The following SEPTIN9 variants were observed in gnomAD, a reference collection of about 807,000 sequenced individuals.
SEPTIN9 encodes septin 9, also known as septin-9.
A neutral mutation model predicts 56.6 loss-of-function variants in SEPTIN9; 13 were observed. That is an observed-to-expected ratio of 0.23 (90% CI 0.15 to 0.37). The LOEUF is 0.37. Among genes scored for constraint, SEPTIN9 ranks in the 10% least tolerant of loss-of-function variants. The pLI, the probability that SEPTIN9 is intolerant of heterozygous loss-of-function variation, is 1.00. For missense variants in SEPTIN9, 650 were observed against 823.1 expected, an observed-to-expected ratio of 0.79 and a Z score of 2.57; for synonymous variants, 332 against 334.1, an observed-to-expected ratio of 0.99 and a Z score of 0.07.
At chr17:77,481,627 C>A (rs188968853) in intron 3 of SEPTIN9, among the ~76,000 whole-genome samples, 1 of 150,750 alleles carries the variant, frequency 6.6e-6, no homozygotes, top group South Asian at 2.1e-4. Context: ...AAGACCATCC[C>A]TCCTGTGTCT....
At position 77,313,259 on chromosome 17, in the gene SEPTIN9, G is replaced by T. The variant is rs1241098565; in HGVS notation, c.76+6062G>T. Among the ~76,000 whole-genome samples, 1 of 152,232 alleles carries T rather than the reference G, an allele frequency of 6.6e-6. No homozygotes were observed. Among genetic ancestry groups the T allele is most frequent in the Non-Finnish European group, 1.5e-5 (1 of 68,042 alleles). The stretch of plus-strand genomic sequence containing the variant: ...GAGCGCCAGCTCCAGCTCCTGTCAG[G>T]CTACAGCCCAGATGGTTGGCTGAGC... On this transcript the variant is annotated intron_variant, in intron 2 of 11. Transcript: ENST00000427177. This position sits in a 1 kb window ranked among gnomAD's most constrained non-coding sequence, Gnocchi z 4.5.
At chr17:77,298,481 C>G (rs560322668) in intron 1 of SEPTIN9, among the ~76,000 whole-genome samples, 1 of 152,332 alleles carries the variant, frequency 6.6e-6, no homozygotes, top group East Asian at 1.9e-4. Flanking sequence ...GGGAGCCTTC[C>G]CCACCGCAGC....
intron 1 of SEPTIN9, among the ~76,000 whole-genome samples, chr17:77,295,939 G>A (rs1009550136): frequency 3.3e-5 from 5 of 152,148 alleles, no homozygotes; most frequent in African/African-American, 9.7e-5. Flanking sequence ...GAATTCCTGC[G>A]TTGAAGCCCT....
intron 2 of SEPTIN9, among the ~76,000 whole-genome samples, chr17:77,394,155 A>C (rs12600356): frequency 1.3e-5 from 2 of 152,026 alleles, no homozygotes; most frequent in African/African-American, 2.4e-5. Flanking sequence ...ACTGGACCCC[A>C]CTCTGCCAGC....
At chr17:77,311,442 G>A (rs546784123) in intron 2 of SEPTIN9, among the ~76,000 whole-genome samples, 1 of 152,160 alleles carries the variant, frequency 6.6e-6, no homozygotes, top group Non-Finnish European at 1.5e-5. Flanking sequence ...AGCACTGCAG[G>A]TGTCTCTGCC....
chr17:77,342,012 G>A (rs1348706953), intron 2 of SEPTIN9, among the ~76,000 whole-genome samples: 1 of 151,104 alleles, frequency 6.6e-6, no homozygotes, highest in Non-Finnish European at 1.5e-5. Flanking sequence ...GAACCCGGGA[G>A]GCGGAGCTTG....
rs971620537 is a variant in SEPTIN9 at position 77,320,176 on chromosome 17, T to C, written c.76+12979T>C. ...CGGATGCATTCGTGATTGCAACAGATTGAAGAAATTAGACCAGACAAAGAG... is the reference window on the plus strand; with the variant it reads ...CGGATGCATTCGTGATTGCAACAGACTGAAGAAATTAGACCAGACAAAGAG... On this transcript the variant is annotated intron_variant, in intron 2 of 11. Transcript: ENST00000427177. 6 of 1,559,798 alleles carry C rather than the reference T, an allele frequency of 3.8e-6. No homozygotes were observed. In the East Asian group the frequency reaches 7.0e-5, roughly 18 times the overall value.
intron 1 of SEPTIN9, among the ~76,000 whole-genome samples, chr17:77,298,083 T>G (rs2031894012): frequency 6.6e-6 from 1 of 152,206 alleles, no homozygotes; most frequent in South Asian, 2.1e-4. Context: ...GGACCCTCCC[T>G]CCAAAGCTCA....
intron 2 of SEPTIN9, among the ~76,000 whole-genome samples, chr17:77,344,878 A>G (rs1295679837): frequency 6.7e-6 from 1 of 148,384 alleles, no homozygotes; most frequent in East Asian, 2.0e-4. Context: ...AGGCTGAGGC[A>G]GGAGAATCGC....
In SEPTIN9 at chr17:77,475,864, C is replaced by T. The variant is rs1250112637; in HGVS notation, c.722-6280C>T. ...CCTCCGTGGGCAGGAGGAGGATGAC[C>T]TTGCATTCTGCTTGGCCACCATTGG... On this transcript the variant is annotated intron_variant, in intron 3 of 11. Coordinates refer to ENST00000427177, the MANE Select transcript of SEPTIN9 (RefSeq NM_001113491.2). This position sits in a 1 kb window ranked among gnomAD's most constrained non-coding sequence, Gnocchi z 4.6. The T allele has an allele frequency of 7.4e-6, 12 of 1,612,972 alleles. No homozygotes were observed. Among genetic ancestry groups the T allele is most frequent in the African/African-American group, 1.3e-5 (1 of 74,910 alleles).
intron 2 of SEPTIN9, chr17:77,373,584 A>G: frequency 6.5e-7 from 1 of 1,539,390 alleles, no homozygotes; most frequent in African/African-American, 1.4e-5. Context: ...GCGGCCGCGG[A>G]CGTGCTGGAG....
intron 1 of SEPTIN9, among the ~76,000 whole-genome samples, chr17:77,305,552 G>C (rs1378554458): frequency 6.6e-6 from 1 of 152,066 alleles, no homozygotes; most frequent in South Asian, 2.1e-4. Flanking sequence ...TGTGTCACAC[G>C]CATTTCTCAC....
In SEPTIN9 at chr17:77,453,599, C is replaced by G. The variant is rs112735468; in HGVS notation, c.722-28545C>G. Among the ~76,000 whole-genome samples the G allele has an allele frequency of 1.1e-3, 155 of 146,152 alleles. 1 individual carries two copies. The highest frequency in any genetic ancestry group is 3.8e-3 in the African/African-American group (146 of 38,828). On this transcript the variant is annotated intron_variant, in intron 3 of 11. Coordinates refer to ENST00000427177, the MANE Select transcript of SEPTIN9 (RefSeq NM_001113491.2). The surrounding 1 kb of genome is among the most constrained non-coding windows in gnomAD (Gnocchi z 4.4). ...CAGTCTGGGCAACAAGAGTGAAACT[C>G]TGTCTCAAAAAAAAAAAAAAAAAGC...
At chr17:77,482,371 C>T (rs752744750) in intron 4 of SEPTIN9, 36 bp downstream of exon 4, 18 of 1,600,114 alleles carry the variant, frequency 1.1e-5, no homozygotes, top group Admixed American at 1.7e-5. Flanking sequence ...CAACCAATGC[C>T]GGAAACCAGC....
intron 3 of SEPTIN9, among the ~76,000 whole-genome samples, chr17:77,480,163 C>G (rs1306863820): frequency 6.6e-6 from 1 of 152,172 alleles, no homozygotes; most frequent in African/African-American, 2.4e-5. Flanking sequence ...GTGGACCCCC[C>G]CTTGGCATTT....
chr17:77,468,350 A>G (rs928852076), intron 3 of SEPTIN9, among the ~76,000 whole-genome samples: 4 of 152,342 alleles, frequency 2.6e-5, no homozygotes, highest in African/African-American at 9.6e-5. Flanking sequence ...TGGGAGTTCT[A>G]GGAACAGCAT....
intron 2 of SEPTIN9, among the ~76,000 whole-genome samples, chr17:77,388,874 A>G (rs946626942): frequency 1.4e-5 from 2 of 144,076 alleles, no homozygotes; most frequent in African/African-American, 5.3e-5. Context: ...CTAATGGACA[A>G]TGAGACGAGG....
intron 3 of SEPTIN9, among the ~76,000 whole-genome samples, chr17:77,403,308 T>C (rs566963312): frequency 3.9e-5 from 6 of 152,282 alleles, no homozygotes; most frequent in African/African-American, 7.2e-5. Context: ...CACCTTAGCC[T>C]GCAGGACAAA....
rs1317119199 is a variant in SEPTIN9, at chr17:77,449,730, GCTGCAGAC to G, written c.722-32413_722-32406del. Among the ~76,000 whole-genome samples the G allele has an allele frequency of 3.9e-5, 6 of 152,038 alleles. No homozygotes were observed. The highest frequency in any genetic ancestry group is 8.8e-5 in the Non-Finnish European group (6 of 67,984). ...CAGTGATGAGGGTGCCCTGGGCTGG[GCTGCAGAC>G]AGTGGAAAAGACAGGCTCTTCTCAC... On this transcript the variant is annotated intron_variant, in intron 3 of 11. Transcript: ENST00000427177. This position sits in a 1 kb window ranked among gnomAD's most constrained non-coding sequence, Gnocchi z 4.6.
Sources: allele counts gnomAD v4.1 joint callset (sites outside exome capture counted in the v4.1 genomes callset), GRCh38; gene constraint gnomAD v4.1.1; non-coding constraint Gnocchi (gnomAD v3.1); transcripts MANE v1.5; gene names NCBI Gene and HGNC (gene_info 2026-07-23, HGNC 2026-07-21).